ATG7: variants seen among roughly 807,000 people sequenced by gnomAD.
ATG7 encodes the protein autophagy related 7.
ATG7 carries 70 observed loss-of-function variants against 82.4 expected under a neutral mutation model. The observed-to-expected ratio is 0.85, with a 90% confidence interval of 0.70 to 1.04. The LOEUF (loss-of-function observed/expected upper bound fraction) is 1.04. Ranked by LOEUF, ATG7 falls within the 50% of genes least tolerant of loss-of-function variation. ATG7 has a pLI of 0.00. For synonymous variants in ATG7, 287 were observed against 313.0 expected (o/e 0.92, Z 0.88); for missense variants, 792 against 864.3 (o/e 0.92, Z 1.05).
At chr3:11,369,698 C>T (rs1386000014) in intron 18 of ATG7, among the ~76,000 whole-genome samples, 15 of 151,110 alleles carry the variant, frequency 9.9e-5, no homozygotes, top group Admixed American at 9.3e-4. Flanking sequence ...ATTGCTGTTT[C>T]CCTGGAGGAT....
intron 18 of ATG7, among the ~76,000 whole-genome samples, chr3:11,372,907 GAA>G (rs1265143194): frequency 2.6e-5 from 4 of 151,094 alleles, no homozygotes; most frequent in African/African-American, 9.8e-5. Flanking sequence ...GGGAGAATGA[GAA>G]AACAATATTC....
At chr3:11,413,103 A>G (rs564709562) in intron 19 of ATG7, among the ~76,000 whole-genome samples, 1 of 152,234 alleles carries the variant, frequency 6.6e-6, no homozygotes, top group East Asian at 1.9e-4. Context: ...AAATCATATC[A>G]TTTGCAAGCA....
intron 7 of ATG7, 106 bp downstream of exon 7, chr3:11,309,167 G>T (rs1410594937): frequency 5.4e-6 from 6 of 1,101,420 alleles, no homozygotes; most frequent in Non-Finnish European, 8.3e-6. Context: ...ACTACCTTCT[G>T]TTACTTAAAT....
chr3:11,565,598 G>T, the ATG7 span, among the ~76,000 whole-genome samples: 55 of 152,322 alleles, frequency 3.6e-4, no homozygotes, highest in African/African-American at 1.2e-3. This position sits in a 1 kb window ranked among gnomAD's most constrained non-coding sequence, Gnocchi z 4.1. Context: ...CAGCTGACAT[G>T]TGGTGGCACG....
chr3:11,273,046 ATGT>A (rs1171872513), intron 1 of ATG7, among the ~76,000 whole-genome samples: 3 of 152,248 alleles, frequency 2.0e-5, no homozygotes, highest in African/African-American at 7.2e-5. Context: ...AACGTACATG[ATGT>A]TGGAGAAGTA....
At chr3:11,569,992 C>T in the ATG7 span, among the ~76,000 whole-genome samples, 1 of 152,222 alleles carries the variant, frequency 6.6e-6, no homozygotes, top group Non-Finnish European at 1.5e-5. Context: ...CAGCTGTATG[C>T]TCTGCTAATT....
At chr3:11,404,284 C>T (rs767392830) in intron 19 of ATG7, among the ~76,000 whole-genome samples, 14 of 151,632 alleles carry the variant, frequency 9.2e-5, no homozygotes, top group South Asian at 2.1e-4. Context: ...TACAGGTGCT[C>T]GCCACCATGC....
chr3:11,444,075 G>A lies in ATG7; in HGVS notation c.2079+17149G>A, dbSNP rs1381936650. Among the ~76,000 whole-genome samples the A allele has an allele frequency of 1.8e-4, 27 of 152,138 alleles. 1 individual carries two copies. Among genetic ancestry groups the A allele is most frequent in the Non-Finnish European group, 1.5e-5 (1 of 68,046 alleles). On this transcript the variant is annotated intron_variant, in intron 20 of 20. Coordinates refer to ENST00000693202, the MANE Select transcript of ATG7 (RefSeq NM_001349232.2). ...CTTTGAATTTTTCAAACAGAATTATGCTATAATATGTAGATTCTTTCGTGT... is the reference window on the plus strand; with the variant it reads ...CTTTGAATTTTTCAAACAGAATTATACTATAATATGTAGATTCTTTCGTGT...
At chr3:11,486,068 A>G (rs534832858) in intron 20 of ATG7, among the ~76,000 whole-genome samples, 3 of 152,256 alleles carry the variant, frequency 2.0e-5, no homozygotes, top group Admixed American at 1.3e-4. Context: ...GTTTTTTCCA[A>G]TTCTGTGAAG....
intron 10 of ATG7, chr3:11,332,744 A>C (rs1460115807): frequency 2.9e-6 from 1 of 344,782 alleles, no homozygotes; most frequent in Non-Finnish European, 5.1e-6. Flanking sequence ...AATCACCTAG[A>C]AAGAAATCAC....
At chr3:11,340,771 T>C in intron 12 of ATG7, 36 bp downstream of exon 12, 1 of 1,582,468 alleles carries the variant, frequency 6.3e-7, no homozygotes, top group Non-Finnish European at 8.7e-7. Flanking sequence ...AGTCGGGCTT[T>C]TTGTAACCAA....
rs1223534903 is a variant in ATG7 at position 11,345,250 on chromosome 3, C to CA, written c.1126-2618dup. On this transcript the variant is annotated intron_variant, in intron 13 of 20. Transcript: ENST00000693202. ...TGAAACCCCGTCTCTACTAAAAATA[C>CA]AAAAAAAAATTAGCCGGGCATGGTG... Among the ~76,000 whole-genome samples, 6 of 150,704 alleles carry CA rather than the reference C, an allele frequency of 4.0e-5. No individual in the cohort carries two copies. The South Asian group carries it at 6.3e-4, about 16-fold the overall frequency.
chr3:11,558,423 A>G, downstream of ATG7: 2 of 1,368,840 alleles, frequency 1.5e-6, no homozygotes, highest in Non-Finnish European at 1.9e-6. Context: ...TCCCAACAAC[A>G]TGGTTTTTGC....
intron 19 of ATG7, among the ~76,000 whole-genome samples, chr3:11,383,454 T>C (rs2053156213): frequency 6.6e-6 from 1 of 152,156 alleles, no homozygotes; most frequent in Non-Finnish European, 1.5e-5. Flanking sequence ...TCGGTGATGC[T>C]AGTTTTCCCT....
At chr3:11,397,023 G>T (rs2079354983) in intron 19 of ATG7, among the ~76,000 whole-genome samples, 1 of 151,826 alleles carries the variant, frequency 6.6e-6, no homozygotes, top group African/African-American at 2.4e-5. Context: ...TTTAAAGGAA[G>T]AAAAAAACAA....
chr3:11,417,203 GT>G (rs1039931479), intron 19 of ATG7, among the ~76,000 whole-genome samples: 1 of 152,210 alleles, frequency 6.6e-6, no homozygotes, highest in African/African-American at 2.4e-5. Flanking sequence ...AATAAATAGT[GT>G]TTTGAGTTCA....
chr3:11,574,899 C>G, the ATG7 span, among the ~76,000 whole-genome samples: 1 of 150,308 alleles, frequency 6.7e-6, no homozygotes, highest in African/African-American at 2.4e-5. Context: ...GGAAAAAGAG[C>G]CCCATCTTAT....
At chr3:11,354,934 G>A (rs1004827816) in intron 14 of ATG7, among the ~76,000 whole-genome samples, 1 of 152,228 alleles carries the variant, frequency 6.6e-6, no homozygotes, top group Admixed American at 6.5e-5. Flanking sequence ...GCACTTTCTG[G>A]CCCATGCCAT....
chr3:11,342,111 A>G (rs1251747215), intron 12 of ATG7, 24 bp from the exon 13 acceptor site: 1 of 1,598,810 alleles, frequency 6.3e-7, no homozygotes. Context: ...GAGTGACTGA[A>G]TAAGTAAATC....
Sources: allele counts gnomAD v4.1 joint callset (sites outside exome capture counted in the v4.1 genomes callset), GRCh38; gene constraint gnomAD v4.1.1; non-coding constraint Gnocchi (gnomAD v3.1); transcripts MANE v1.5; gene names NCBI Gene and HGNC (gene_info 2026-07-23, HGNC 2026-07-21).